Variants in DPP10 observed in about 807,000 individuals in gnomAD.
The protein encoded by DPP10 is inactive dipeptidyl peptidase 10.
A neutral mutation model predicts 120.9 loss-of-function variants in DPP10; 33 were observed. That is an observed-to-expected ratio of 0.27 (90% CI 0.21 to 0.37). The LOEUF is 0.37. DPP10 is among the 10% of genes least tolerant of loss of function. The probability of loss-of-function intolerance (pLI) is 1.00; values close to 1 mark genes in which losing one functional copy is unlikely to be tolerated. For synonymous variants in DPP10, 337 were observed against 326.1 expected (o/e 1.03, Z -0.36); for missense variants, 816 against 942.8 (o/e 0.87, Z 1.76).
intron 1 of DPP10, among the ~76,000 whole-genome samples, chr2:115,270,884 T>A (rs771729663): frequency 7.0e-6 from 1 of 143,702 alleles, no homozygotes; most frequent in Non-Finnish European, 1.5e-5. Context: ...TTGTTCTTTA[T>A]ATTGTTTTTT....
intron 15 of DPP10, 79 bp from the exon 16 acceptor site, chr2:115,780,788 TTATATTA>T: frequency 7.7e-7 from 1 of 1,299,622 alleles, no homozygotes; most frequent in South Asian, 1.8e-5. Flanking sequence ...ACTCCCTTGT[TTATATTA>T]TATTTAAATA....
intron 1 of DPP10, among the ~76,000 whole-genome samples, chr2:114,446,987 G>T (rs1222561088): frequency 6.6e-6 from 1 of 151,932 alleles, no homozygotes; most frequent in East Asian, 1.9e-4. Context: ...GAATTGGCAT[G>T]ATGAGATGGC....
intron 1 of DPP10, among the ~76,000 whole-genome samples, chr2:114,985,313 G>A (rs1218796796): frequency 6.6e-6 from 1 of 152,084 alleles, no homozygotes; most frequent in African/African-American, 2.4e-5. Flanking sequence ...ACCTTTTAGA[G>A]AAACCTTGCT....
intron 1 of DPP10, among the ~76,000 whole-genome samples, chr2:115,023,489 A>AC (rs1703225696): frequency 6.6e-6 from 1 of 152,204 alleles, no homozygotes; most frequent in South Asian, 2.1e-4. Context: ...AAAATCAAAA[A>AC]AATAATAGAT....
chr2:114,651,657 T>A (rs1202707081), intron 1 of DPP10, among the ~76,000 whole-genome samples: 4 of 152,156 alleles, frequency 2.6e-5, no homozygotes, highest in African/African-American at 4.8e-5. Flanking sequence ...ATTTTTTTTT[T>A]AAAGACTGTG....
At chr2:115,824,841 A>AAT (rs1462392553) in intron 21 of DPP10, among the ~76,000 whole-genome samples, 2 of 152,230 alleles carry the variant, frequency 1.3e-5, no homozygotes, top group Non-Finnish European at 1.5e-5. Context: ...TTGGTCACAT[A>AAT]ATATATATTT....
chr2:115,584,315 G>A (rs752139300), intron 5 of DPP10, among the ~76,000 whole-genome samples: 4 of 152,144 alleles, frequency 2.6e-5, no homozygotes, highest in African/African-American at 4.8e-5. Flanking sequence ...GTGAGCAAAC[G>A]TAGTGGTCAT....
chr2:115,341,148 T>C (rs1212575435), intron 2 of DPP10, among the ~76,000 whole-genome samples: 1 of 152,168 alleles, frequency 6.6e-6, no homozygotes, highest in Admixed American at 6.6e-5. Flanking sequence ...TTTTTTCGCT[T>C]GTGAAACAAA....
intron 1 of DPP10, among the ~76,000 whole-genome samples, chr2:115,155,098 G>A (rs2051820264): frequency 1.3e-5 from 2 of 151,576 alleles, no homozygotes; most frequent in African/African-American, 2.4e-5. Flanking sequence ...TAGTGGAGAC[G>A]GGGTTTCGCC....
chr2:115,516,374 C>T (rs903603177), intron 4 of DPP10, among the ~76,000 whole-genome samples: 6 of 151,950 alleles, frequency 3.9e-5, no homozygotes, highest in African/African-American at 1.4e-4. Flanking sequence ...TATTCTTTTC[C>T]TTTATTTTTG....
chr2:114,693,198 T>A (rs185110725), intron 1 of DPP10, among the ~76,000 whole-genome samples: 17 of 151,950 alleles, frequency 1.1e-4, no homozygotes, highest in African/African-American at 3.6e-4. Flanking sequence ...TTCAGTGTGG[T>A]TTTTTAGTGG....
intron 5 of DPP10, among the ~76,000 whole-genome samples, chr2:115,536,826 T>C (rs1399898943): frequency 6.6e-6 from 1 of 152,036 alleles, no homozygotes; most frequent in Non-Finnish European, 1.5e-5. Flanking sequence ...GCTCAAGTCA[T>C]TGAGAAAGTA....
chr2:115,052,253 A>G (rs775983288), intron 1 of DPP10, among the ~76,000 whole-genome samples: 1 of 152,188 alleles, frequency 6.6e-6, no homozygotes, highest in Admixed American at 6.5e-5. Flanking sequence ...TGCAAATTTC[A>G]TATATTTGAA....
chr2:114,471,685 T>C (rs2104618000), intron 1 of DPP10, among the ~76,000 whole-genome samples: 1 of 152,352 alleles, frequency 6.6e-6, no homozygotes, highest in Admixed American at 6.5e-5. Flanking sequence ...GAATTTCTTA[T>C]TAGTTTTAGT....
intron 3 of DPP10, among the ~76,000 whole-genome samples, chr2:115,358,787 C>A (rs1305200715): frequency 6.6e-6 from 1 of 152,154 alleles, no homozygotes; most frequent in Non-Finnish European, 1.5e-5. Flanking sequence ...AGGCAACTTA[C>A]AATTATGGTA....
intron 1 of DPP10, among the ~76,000 whole-genome samples, chr2:114,556,748 G>A (rs1337083511): frequency 2.0e-5 from 3 of 152,106 alleles, no homozygotes; most frequent in Admixed American, 6.5e-5. Context: ...AATAGATGAT[G>A]GAGTCCCAGC....
intron 1 of DPP10, among the ~76,000 whole-genome samples, chr2:115,087,746 G>A (rs2104536523): frequency 6.6e-6 from 1 of 151,830 alleles, no homozygotes; most frequent in Middle Eastern, 3.4e-3. Flanking sequence ...AGAGATGGGG[G>A]TTTCTCCATG....
chr2:115,423,336 G>C (rs1200515930), intron 3 of DPP10, among the ~76,000 whole-genome samples: 1 of 152,124 alleles, frequency 6.6e-6, no homozygotes, highest in Non-Finnish European at 1.5e-5. Flanking sequence ...CTATTGAACA[G>C]AGACGCTGTA....
At chr2:114,487,944 C>T (rs1558804842) in intron 1 of DPP10, among the ~76,000 whole-genome samples, 1 of 152,160 alleles carries the variant, frequency 6.6e-6, no homozygotes, top group African/African-American at 2.4e-5. Context: ...CACTAACAAA[C>T]AGAAAACGTT....
Sources: gnomAD v4.1 joint callset for allele counts (sites outside exome capture counted in the v4.1 genomes callset) on GRCh38, gnomAD v4.1.1 for gene constraint, MANE v1.5 for transcripts, NCBI Gene and HGNC (gene_info 2026-07-23, HGNC 2026-07-21) for gene names.